The following AKAP13 variants were observed in gnomAD, a reference collection of about 807,000 sequenced individuals.
AKAP13 encodes the protein A-kinase anchor protein 13.
AKAP13 carries 80 observed loss-of-function variants against 264.5 expected under a neutral mutation model. That is an observed-to-expected ratio of 0.30 (90% CI 0.25 to 0.36). The LOEUF (loss-of-function observed/expected upper bound fraction) is 0.36. Ranked by LOEUF, AKAP13 falls within the 10% of genes least tolerant of loss-of-function variation. The probability of loss-of-function intolerance (pLI) is 1.00; values close to 1 mark genes in which losing one functional copy is unlikely to be tolerated. For synonymous variants in AKAP13, 1,380 were observed against 1,250.2 expected, an observed-to-expected ratio of 1.10 and a Z score of -2.19; for missense variants, 3,712 against 3,435.2, an observed-to-expected ratio of 1.08 and a Z score of -2.01.
chr15:85,618,918 A>T (rs890046993), intron 8 of AKAP13, among the ~76,000 whole-genome samples: 6 of 152,228 alleles, frequency 3.9e-5, no homozygotes, highest in Admixed American at 3.3e-4. Context: ...TCCTAGAGAC[A>T]TAACTGCAAT....
chr15:85,608,967 CAT>C (rs1301817032), intron 8 of AKAP13, among the ~76,000 whole-genome samples: 2 of 152,156 alleles, frequency 1.3e-5, no homozygotes, highest in Admixed American at 1.3e-4. Flanking sequence ...AACTCTTTAG[CAT>C]AACACATACA....
chr15:85,499,158 AG>A (rs2075973214), intron 2 of AKAP13, among the ~76,000 whole-genome samples: 3 of 152,210 alleles, frequency 2.0e-5, no homozygotes, highest in African/African-American at 7.2e-5. Flanking sequence ...TAGCTTCCTG[AG>A]TAAATTATCA....
chr15:85,434,802 A>C (rs2073197887), intron 1 of AKAP13, among the ~76,000 whole-genome samples: 1 of 150,256 alleles, frequency 6.7e-6, no homozygotes, highest in Non-Finnish European at 1.5e-5. Context: ...AAGGACATCC[A>C]CACCGAAAAC....
In AKAP13 at chr15:85,579,985, A is replaced by T; in HGVS notation, c.1917A>T (p.Ser639=). ...CACACCAGAACTCAGAAACAAATTC[A>T]TCTCATGCTCAAAGCCAAAAGGGCA... ...VMPHQNSETN[S]SHAQSQKGKS... The change falls in exon 7 of 37, where the codon TCA becomes TCT. Residue 639 remains serine (S), a synonymous_variant. Coordinates refer to ENST00000394518, the MANE Select transcript of AKAP13 (RefSeq NM_007200.5). The T allele has an allele frequency of 1.2e-6, 2 of 1,614,236 alleles. No individual in the cohort carries two copies. The highest frequency in any genetic ancestry group is 8.5e-7 in the Non-Finnish European group (1 of 1,180,032).
chr15:85,381,065 C>G, intron 1 of AKAP13, among the ~76,000 whole-genome samples: 1 of 151,910 alleles, frequency 6.6e-6, no homozygotes, highest in East Asian at 1.9e-4. Flanking sequence ...CGCAGCCCAA[C>G]TTAGAGGCCG....
At chr15:85,460,000 C>G (rs1463067831) in intron 1 of AKAP13, among the ~76,000 whole-genome samples, 1 of 152,180 alleles carries the variant, frequency 6.6e-6, no homozygotes, top group Non-Finnish European at 1.5e-5. Context: ...TTTATCAGGA[C>G]AGCTGCAGTA....
At chr15:85,419,346 A>G (rs1163706843) in intron 1 of AKAP13, among the ~76,000 whole-genome samples, 3 of 152,186 alleles carry the variant, frequency 2.0e-5, no homozygotes, top group African/African-American at 7.2e-5. Flanking sequence ...CCCCATTTCT[A>G]TTCCTGGTAA....
Position 85,444,162 on chromosome 15 carries a change from T to C in AKAP13, c.-11-41548T>C, listed in dbSNP as rs79913502. Among the ~76,000 whole-genome samples, 1,310 of 152,318 alleles carry C rather than the reference T, an allele frequency of 8.6e-3. 7 individuals carry two copies. Among genetic ancestry groups the C allele is most frequent in the Non-Finnish European group, 0.012 (803 of 68,016 alleles). On this transcript the variant is annotated intron_variant, in intron 1 of 36. Transcript: ENST00000394518. Reference sequence around the variant, plus strand: ...CACTCTATTAATTGCTAAATTATTTTATTTAGTGATTTAGGGCTTTCCACT... The same window carrying C: ...CACTCTATTAATTGCTAAATTATTTCATTTAGTGATTTAGGGCTTTCCACT...
Position 85,474,960 on chromosome 15 carries a change from C to T in AKAP13, c.-11-10750C>T, listed in dbSNP as rs537766800. ...GGTGGGCCGTGCCTGCCTTGGAAAT[C>T]ATTCCTAACAGGTCTCGCATTTGTC... is the stretch of plus-strand genomic sequence containing the variant. On this transcript the variant is annotated intron_variant, in intron 1 of 36. Coordinates refer to ENST00000394518, the MANE Select transcript of AKAP13 (RefSeq NM_007200.5). Among the ~76,000 whole-genome samples, 17 of 152,308 alleles carry T rather than the reference C, an allele frequency of 1.1e-4. No homozygotes were observed. In the South Asian group the frequency reaches 3.5e-3, roughly 32 times the overall value.
At chr15:85,492,607 A>G (rs1488302319) in intron 2 of AKAP13, among the ~76,000 whole-genome samples, 2 of 152,262 alleles carry the variant, frequency 1.3e-5, no homozygotes, top group Non-Finnish European at 2.9e-5. Flanking sequence ...TAACCACAGT[A>G]TAATTAACAA....
chr15:85,629,764 C>CTTTTTTTTTTTTTTTTTTTTTTTTTTTT (rs773396099), intron 8 of AKAP13, among the ~76,000 whole-genome samples: 2 of 50,526 alleles, frequency 4.0e-5, no homozygotes, highest in Non-Finnish European at 7.4e-5. Flanking sequence ...CCTTTACAGC[C>CTTTTTTTTTTTTTTTTTTTTTTTTTTTT]TTTTTTTTTT....
At chr15:85,602,776 C>T (rs1383263070) in intron 8 of AKAP13, among the ~76,000 whole-genome samples, 1 of 152,242 alleles carries the variant, frequency 6.6e-6, no homozygotes, top group Non-Finnish European at 1.5e-5. Context: ...GCGTGAGCCA[C>T]TGCACCCAGC....
chr15:85,575,330 G>T lies in AKAP13; in HGVS notation c.861+1G>T. On this transcript the variant is annotated splice_donor_variant, in intron 6 of 36. Transcript: ENST00000394518. LOFTEE classifies it high-confidence loss of function. ...TATGAACATCCAACAGCAACTAATG[G>T]TAAGTCAGAAAGCTTTTATTTTTAA... is the stretch of plus-strand genomic sequence containing the variant. 1 of 1,613,856 alleles carries T rather than the reference G, an allele frequency of 6.2e-7. No individual in the cohort carries two copies. Among genetic ancestry groups the T allele is most frequent in the Non-Finnish European group, 8.5e-7 (1 of 1,179,762 alleles).
chr15:85,698,478 A>AG (rs892272960), intron 17 of AKAP13, among the ~76,000 whole-genome samples: 2 of 151,182 alleles, frequency 1.3e-5, no homozygotes, highest in Non-Finnish European at 3.0e-5. Context: ...AAAAAAAAAA[A>AG]AAAAGGAGAG....
chr15:85,744,794 C>G lies in AKAP13; in HGVS notation c.*117C>G. On this transcript the variant is annotated 3_prime_UTR_variant, in exon 37 of 37. Transcript: ENST00000394518. ...CGCCCACTGCTCCTCAGCGTCCAGT[C>G]CTCCTGGGCGGCCCCAGGTCCTGGA... The G allele has an allele frequency of 1.0e-6, 1 of 968,444 alleles. No individual in the cohort carries two copies. Among genetic ancestry groups the G allele is most frequent in the South Asian group, 1.6e-5 (1 of 61,092 alleles). 60.0% of individuals were successfully genotyped at this position (968,444 alleles called of 1,614,324 possible). A position where few individuals can be genotyped will look rare whatever the true frequency, so the allele number is the denominator to read the frequency against.
chr15:85,561,181 C>T (rs2078361650), intron 5 of AKAP13, among the ~76,000 whole-genome samples: 1 of 151,930 alleles, frequency 6.6e-6, no homozygotes, highest in Non-Finnish European at 1.5e-5. Flanking sequence ...CCTCAGCCTC[C>T]CAAGTAGCTG....
At chr15:85,495,236 C>T (rs1314090597) in intron 2 of AKAP13, among the ~76,000 whole-genome samples, 1 of 151,974 alleles carries the variant, frequency 6.6e-6, no homozygotes, top group African/African-American at 2.4e-5. Context: ...GCTCAGTTCC[C>T]ATGGTTCTTT....
intron 3 of AKAP13, among the ~76,000 whole-genome samples, chr15:85,526,533 AGT>A (rs1332911677): frequency 6.6e-6 from 1 of 152,062 alleles, no homozygotes; most frequent in Non-Finnish European, 1.5e-5. Flanking sequence ...CACCTAGCAA[AGT>A]GTTGGGATTA....
intron 1 of AKAP13, among the ~76,000 whole-genome samples, chr15:85,440,784 G>C (rs2073608770): frequency 6.6e-6 from 1 of 152,114 alleles, no homozygotes; most frequent in Admixed American, 6.5e-5. Context: ...GTTTACTTCT[G>C]CCTCTTTTTT....
Sources: gnomAD v4.1 joint callset for allele counts (sites outside exome capture counted in the v4.1 genomes callset) on GRCh38, gnomAD v4.1.1 for gene constraint, MANE v1.5 for transcripts, NCBI Gene and HGNC (gene_info 2026-07-23, HGNC 2026-07-21) for gene names.